The following ASTN1 variants were observed in gnomAD, a reference collection of about 807,000 sequenced individuals.
ASTN1 encodes the protein astrotactin 1.
ASTN1 carries 41 observed loss-of-function variants against 140.7 expected under a neutral mutation model. That is an observed-to-expected ratio of 0.29 (90% CI 0.23 to 0.38). The LOEUF (loss-of-function observed/expected upper bound fraction) is 0.38. Ranked by LOEUF, ASTN1 falls within the 10% of genes least tolerant of loss-of-function variation. ASTN1 has a pLI of 1.00. For synonymous variants in ASTN1, 640 were observed against 652.2 expected, an observed-to-expected ratio of 0.98 and a Z score of 0.29; for missense variants, 1,479 against 1,678.8, an observed-to-expected ratio of 0.88 and a Z score of 2.08.
intron 16 of ASTN1, 86 bp from the exon 17 acceptor site, chr1:176,894,916 C>T (rs1475744917): frequency 1.9e-6 from 3 of 1,541,118 alleles, no homozygotes; most frequent in African/African-American, 2.7e-5. Context: ...TGCTGGGGTC[C>T]AATCTTTGGG....
At chr1:176,949,138 C>T in intron 12 of ASTN1, 47 bp downstream of exon 12, 2 of 1,608,892 alleles carry the variant, frequency 1.2e-6, no homozygotes, top group Middle Eastern at 3.5e-4. Context: ...AGTCCTGCGT[C>T]CTGGGACAGA....
intron 1 of ASTN1, among the ~76,000 whole-genome samples, chr1:177,132,105 T>G (rs1305269343): frequency 6.6e-6 from 1 of 152,176 alleles, no homozygotes; most frequent in Non-Finnish European, 1.5e-5. Context: ...AGGTTATTAG[T>G]GATTTTCCCC....
intron 1 of ASTN1, among the ~76,000 whole-genome samples, chr1:177,147,312 T>G (rs547273447): frequency 6.6e-6 from 1 of 152,256 alleles, no homozygotes; most frequent in East Asian, 1.9e-4. Flanking sequence ...CTGTTAAAGT[T>G]CAATGGTACC....
At chr1:177,075,411 G>A (rs1282817813) in intron 1 of ASTN1, among the ~76,000 whole-genome samples, 1 of 91,050 alleles carries the variant, frequency 1.1e-5, no homozygotes, top group African/African-American at 4.0e-5. Context: ...ACTTTTAAAA[G>A]GTTTCATTCA....
chr1:177,032,695 A>C lies in ASTN1; in HGVS notation c.626T>G (p.Ile209Ser). Reference protein sequence around the residue: ...NEIHYIPSVLIGGHGRESLRN... With the variant: ...NEIHYIPSVLSGGHGRESLRN... ...CAGGCTCTCCCGTCCGTGCCCGCCG[A>C]TCAGCACAGAAGGAATGTAGTGAAT... Residue 209 changes from isoleucine to serine, a missense_variant, in exon 3 of 23, where the codon ATC (isoleucine) becomes AGC (serine). By Grantham distance (142) the Ile-to-Ser change is moderately radical. Coordinates refer to ENST00000361833, the MANE Select transcript of ASTN1 (RefSeq NM_004319.3). 1 of 1,614,070 alleles carries C rather than the reference A, an allele frequency of 6.2e-7. No individual in the cohort carries two copies. The highest frequency in any genetic ancestry group is 8.5e-7 in the Non-Finnish European group (1 of 1,180,030).
intron 2 of ASTN1, among the ~76,000 whole-genome samples, chr1:177,054,817 G>C (rs1353203214): frequency 6.6e-6 from 1 of 152,146 alleles, no homozygotes; most frequent in Non-Finnish European, 1.5e-5. Flanking sequence ...AAGATTTATA[G>C]AATAGACTAG....
chr1:176,858,120 A>T (rs1294185645), downstream of ASTN1, among the ~76,000 whole-genome samples: 1 of 152,200 alleles, frequency 6.6e-6, no homozygotes, highest in Non-Finnish European at 1.5e-5. Context: ...CTCTAACAAA[A>T]GGCAGATTTG....
At chr1:176,887,985 C>T (rs1669107429) in intron 18 of ASTN1, 86 bp downstream of exon 18, 1 of 1,567,640 alleles carries the variant, frequency 6.4e-7, no homozygotes, top group Non-Finnish European at 8.7e-7. Flanking sequence ...TCTTTGTTTC[C>T]CAGTACCCAG....
chr1:177,027,160 G>A (rs1312505523), intron 5 of ASTN1, among the ~76,000 whole-genome samples: 1 of 152,060 alleles, frequency 6.6e-6, no homozygotes, highest in Admixed American at 6.5e-5. Flanking sequence ...TTGTCAGCCT[G>A]GTATACACCT....
At chr1:176,885,497 C>T (rs1668998580) in intron 18 of ASTN1, among the ~76,000 whole-genome samples, 1 of 152,152 alleles carries the variant, frequency 6.6e-6, no homozygotes, top group Non-Finnish European at 1.5e-5. Context: ...GAATGTTCCC[C>T]ATTCCTGCTC....
intron 21 of ASTN1, among the ~76,000 whole-genome samples, chr1:176,872,038 C>T (rs550775586): frequency 6.6e-6 from 1 of 152,244 alleles, no homozygotes; most frequent in South Asian, 2.1e-4. Context: ...ACCCAGACAC[C>T]ATGGCATCAA....
intron 1 of ASTN1, among the ~76,000 whole-genome samples, chr1:177,125,580 T>C (rs1051847079): frequency 4.6e-5 from 7 of 152,132 alleles, no homozygotes; most frequent in Admixed American, 3.3e-4. Context: ...GTCCCTGAAA[T>C]TACTATGGAT....
At chr1:176,977,566 G>A (rs142801090) in intron 8 of ASTN1, among the ~76,000 whole-genome samples, 2 of 152,262 alleles carry the variant, frequency 1.3e-5, no homozygotes, top group African/African-American at 4.8e-5. Context: ...AGAAACTATG[G>A]CATTTATTTT....
chr1:176,943,454 G>A (rs190537667), intron 14 of ASTN1, among the ~76,000 whole-genome samples: 31 of 152,256 alleles, frequency 2.0e-4, no homozygotes, highest in Admixed American at 9.2e-4. Flanking sequence ...CCAGGGTCAT[G>A]TGACAACAAA....
chr1:176,943,871 G>T lies in ASTN1; in HGVS notation c.2377+20C>A. On this transcript the variant is annotated intron_variant, in intron 14 of 22. Transcript: ENST00000361833. The stretch of plus-strand genomic sequence containing the variant: ...CTGCCTGTTTGTGCCAGTTGAATAA[G>T]GTTGAGAAGGCACACTCACCAGTCA... The T allele has an allele frequency of 6.3e-7, 1 of 1,575,968 alleles. No homozygotes were observed. Among genetic ancestry groups the T allele is most frequent in the East Asian group, 2.3e-5 (1 of 43,716 alleles).
chr1:177,122,082 A>C (rs1209225700), intron 1 of ASTN1, among the ~76,000 whole-genome samples: 2 of 152,182 alleles, frequency 1.3e-5, no homozygotes, highest in Non-Finnish European at 2.9e-5. Flanking sequence ...TTATTGGGTT[A>C]AAAAAGAGAT....
intron 1 of ASTN1, among the ~76,000 whole-genome samples, chr1:177,114,420 C>CATATATATATAT (rs533026030): frequency 5.3e-5 from 8 of 150,018 alleles, no homozygotes; most frequent in African/African-American, 1.2e-4. Flanking sequence ...GAATGGTGCA[C>CATATATATATAT]ATATATATAT....
chr1:176,862,212 T>C lies in ASTN1; in HGVS notation c.*2072A>G. Reference sequence around the variant, plus strand: ...GCCAATTTTTCTGCTGATCTTTGCTTTGAAAGTAGGGGAATCTCTGAGGCA... The same window carrying C: ...GCCAATTTTTCTGCTGATCTTTGCTCTGAAAGTAGGGGAATCTCTGAGGCA... On this transcript the variant is annotated 3_prime_UTR_variant, in exon 23 of 23. Transcript: ENST00000361833. 2 of 985,378 alleles carry C rather than the reference T, an allele frequency of 2.0e-6. No individual in the cohort carries two copies. The highest frequency in any genetic ancestry group is 2.4e-6 in the Non-Finnish European group (2 of 829,936). The allele number at this position is 985,378 out of a possible 1,614,324, so 61.0% of individuals were successfully genotyped here. A position where few individuals can be genotyped will look rare whatever the true frequency, so the allele number is the denominator to read the frequency against.
At chr1:177,041,730 G>A (rs1461744408) in intron 2 of ASTN1, among the ~76,000 whole-genome samples, 1 of 152,220 alleles carries the variant, frequency 6.6e-6, no homozygotes, top group Non-Finnish European at 1.5e-5. Context: ...GGCAGCGGGT[G>A]CAGTATATGC....
Sources: allele counts gnomAD v4.1 joint callset (sites outside exome capture counted in the v4.1 genomes callset), GRCh38; gene constraint gnomAD v4.1.1; transcripts MANE v1.5; gene names NCBI Gene and HGNC (gene_info 2026-07-23, HGNC 2026-07-21).